Variants in RCOR3 observed in about 807,000 individuals in gnomAD.
RCOR3 encodes REST corepressor 3.
RCOR3 carries 13 observed loss-of-function variants against 64.1 expected under a neutral mutation model. That is an observed-to-expected ratio of 0.20 (90% CI 0.13 to 0.32). The LOEUF (loss-of-function observed/expected upper bound fraction) is 0.32. Among genes scored for constraint, RCOR3 ranks in the 10% least tolerant of loss-of-function variants. The pLI is 1.00. For synonymous variants in RCOR3, 215 were observed against 239.0 expected, an observed-to-expected ratio of 0.90 and a Z score of 0.93; for missense variants, 489 against 701.2, an observed-to-expected ratio of 0.70 and a Z score of 3.42.
At chr1:211,282,580 C>A (rs1296315160) in intron 7 of RCOR3, among the ~76,000 whole-genome samples, 1 of 151,650 alleles carries the variant, frequency 6.6e-6, no homozygotes, top group Non-Finnish European at 1.5e-5. Flanking sequence ...CGGCTCACTG[C>A]AACCTCCACC....
At position 211,264,919 on chromosome 1, in the gene RCOR3, G is replaced by A. The variant is rs375170705; in HGVS notation, c.223+4755G>A. Among the ~76,000 whole-genome samples the A allele has an allele frequency of 1.2e-4, 18 of 152,234 alleles. No homozygotes were observed. The East Asian group carries it at 3.5e-3, about 29-fold the overall frequency. On this transcript the variant is annotated intron_variant, in intron 2 of 11. Transcript: ENST00000419091. ...ACTTACATCATGAGGAACAATTTTT[G>A]TGTGTAGAGGCTAATTTTTTATCAT...
At chr1:211,283,637 C>T (rs140204339) in intron 7 of RCOR3, among the ~76,000 whole-genome samples, 2,483 of 152,028 alleles carry the variant, frequency 0.016, 27 homozygotes, top group Non-Finnish European at 0.02. Flanking sequence ...ATGTTTCGTT[C>T]GTGGAGGTTT....
chr1:211,311,851 A>G (rs571989711), intron 10 of RCOR3, among the ~76,000 whole-genome samples: 13 of 152,294 alleles, frequency 8.5e-5, no homozygotes, highest in Admixed American at 4.6e-4. Context: ...TTAAAATTCT[A>G]TAGTATAGTT....
intron 3 of RCOR3, 104 bp from the exon 4 acceptor site, chr1:211,274,106 C>A: frequency 3.0e-6 from 2 of 669,128 alleles, no homozygotes; most frequent in Non-Finnish European, 4.8e-6. Context: ...TTTTTTTTAC[C>A]CTGGAATATA....
chr1:211,301,048 G>A (rs764120748), intron 9 of RCOR3, among the ~76,000 whole-genome samples: 31 of 151,904 alleles, frequency 2.0e-4, no homozygotes, highest in Non-Finnish European at 4.6e-4. Flanking sequence ...CAGACTGTGT[G>A]CCTGTCTCTG....
chr1:211,302,684 A>T (rs1332789384), intron 9 of RCOR3: 1 of 152,010 alleles, frequency 6.6e-6, no homozygotes, highest in Admixed American at 6.6e-5. Flanking sequence ...ATTTACTATA[A>T]AATATTTTGA....
chr1:211,268,342 A>G (rs11590228), intron 2 of RCOR3, among the ~76,000 whole-genome samples: 26,840 of 148,862 alleles, frequency 0.18, 2,717 homozygotes, highest in African/African-American at 0.27. Flanking sequence ...GAAGTTTTAA[A>G]AAGATATATC....
intron 9 of RCOR3, among the ~76,000 whole-genome samples, chr1:211,296,447 G>A (rs540635903): frequency 1.1e-4 from 16 of 151,984 alleles, no homozygotes; most frequent in African/African-American, 3.9e-4. Context: ...TTGCCTTTCT[G>A]TGTTTGTGAT....
chr1:211,295,567 A>G (rs1462179227), intron 8 of RCOR3, 109 bp from the exon 9 acceptor site: 2 of 875,296 alleles, frequency 2.3e-6, no homozygotes, highest in African/African-American at 1.7e-5. Context: ...CTATTCTCCT[A>G]AAATAAAATT....
At chr1:211,274,316 A>G (rs1325281814) in intron 4 of RCOR3, 54 bp downstream of exon 4, 39 of 1,229,682 alleles carry the variant, frequency 3.2e-5, no homozygotes, top group Non-Finnish European at 4.3e-5. Context: ...TACCAAATCT[A>G]GATTATCTCA....
intron 2 of RCOR3, among the ~76,000 whole-genome samples, chr1:211,270,344 T>G (rs1349907385): frequency 6.6e-6 from 1 of 152,202 alleles, no homozygotes; most frequent in Non-Finnish European, 1.5e-5. Context: ...ATTACAGGCA[T>G]GAGCCACCAC....
chr1:211,303,536 T>C lies in RCOR3; in HGVS notation c.1018-547T>C, dbSNP rs1244276999. ...ACTCAGTGGGTATACACTAATGAAGTCTGATTAGATATTTGCTGTTGTAAT... is the reference window on the plus strand; with the variant it reads ...ACTCAGTGGGTATACACTAATGAAGCCTGATTAGATATTTGCTGTTGTAAT... On this transcript the variant is annotated intron_variant, in intron 9 of 11. Transcript: ENST00000419091. The C allele has an allele frequency of 2.0e-5, 3 of 152,496 alleles. No homozygotes were observed. The South Asian group carries it at 6.2e-4, about 32-fold the overall frequency. 9.4% of individuals were successfully genotyped at this position (152,496 alleles called of 1,614,324 possible). A position where few individuals can be genotyped will look rare whatever the true frequency, so the allele number is the denominator to read the frequency against.
chr1:211,266,084 G>A (rs924908079), intron 2 of RCOR3, among the ~76,000 whole-genome samples: 6 of 152,066 alleles, frequency 3.9e-5, no homozygotes, highest in African/African-American at 1.4e-4. Context: ...GAGAAAATAG[G>A]GAAGTTAAAG....
rs780313273 is a variant in RCOR3, at chr1:211,289,316, G to A, written c.859G>A (p.Val287Ile). 1 of 1,614,016 alleles carries A rather than the reference G, an allele frequency of 6.2e-7. No homozygotes were observed. Among genetic ancestry groups the A allele is most frequent in the Admixed American group, 1.7e-5 (1 of 59,998 alleles). The change falls in exon 8 of 12, where the codon GTA becomes ATA. Residue 287 changes from valine to isoleucine, a missense_variant. By Grantham distance (29) the Val-to-Ile change is conservative (BLOSUM62 3). Transcript: ENST00000419091. Reference sequence around the variant, plus strand: ...CATGTATTTAACCCAGGAAGATGTGGTAGCAGTTTCCTGTAGTCCCAATGC... The same window carrying A: ...CATGTATTTAACCCAGGAAGATGTGATAGCAGTTTCCTGTAGTCCCAATGC... Reference protein sequence around the residue: ...KGMYLTQEDVVAVSCSPNAAN... With the variant: ...KGMYLTQEDVIAVSCSPNAAN...
intron 2 of RCOR3, among the ~76,000 whole-genome samples, chr1:211,261,853 G>T (rs1571752375): frequency 7.7e-6 from 1 of 129,276 alleles, no homozygotes; most frequent in East Asian, 2.8e-4. Flanking sequence ...GAACCCGGGA[G>T]GCGGAGGTTG....
intron 2 of RCOR3, among the ~76,000 whole-genome samples, chr1:211,262,637 G>A (rs1158384080): frequency 6.6e-6 from 1 of 152,120 alleles, no homozygotes; most frequent in Non-Finnish European, 1.5e-5. Context: ...TAGGGGTCTT[G>A]TGTTTAAGAG....
chr1:211,284,731 A>T (rs1288988710), intron 7 of RCOR3, among the ~76,000 whole-genome samples: 1 of 151,896 alleles, frequency 6.6e-6, no homozygotes, highest in Non-Finnish European at 1.5e-5. Flanking sequence ...TACATTGTCC[A>T]GACTGGTCTT....
rs1701697886 is a variant in RCOR3, at chr1:211,313,541, A to C, written c.1435A>C (p.Thr479Pro). 1 of 1,613,894 alleles carries C rather than the reference A, an allele frequency of 6.2e-7. No homozygotes were observed. Reference sequence around the variant, plus strand: ...CCAGCCTCCACCACTTCTTCGTCCAACACTGCCTGCTGCCCCGGCTCTTCA... The same window carrying C: ...CCAGCCTCCACCACTTCTTCGTCCACCACTGCCTGCTGCCCCGGCTCTTCA... ...LNQPPPLLRPTLPAAPALHRQ... is the reference protein window; with the variant it reads ...LNQPPPLLRPPLPAAPALHRQ... The change falls in exon 12 of 12, where the codon ACA (threonine) becomes CCA (proline). Residue 479 changes from threonine (T) to proline (P), a missense_variant. Thr to Pro is a conservative substitution (Grantham distance 38). Coordinates refer to ENST00000419091, the MANE Select transcript of RCOR3 (RefSeq NM_001136223.3). The surrounding 1 kb of genome is among the most constrained non-coding windows in gnomAD (Gnocchi z 4.7).
At position 211,312,025 on chromosome 1, in the gene RCOR3, T is replaced by G. The variant is rs1014494249; in HGVS notation, c.1076-695T>G. On this transcript the variant is annotated intron_variant, in intron 10 of 11. Transcript: ENST00000419091. The surrounding 1 kb of genome is among the most constrained non-coding windows in gnomAD (Gnocchi z 5.0). ...TAGTCATTACTGTTACCTTATTCTT[T>G]AAGCTATCATCTTTCATCCATTCAG... Among the ~76,000 whole-genome samples the G allele has an allele frequency of 2.7e-4, 41 of 152,306 alleles. No individual in the cohort carries two copies. Among genetic ancestry groups the G allele is most frequent in the African/African-American group, 8.4e-4 (35 of 41,576 alleles).
Sources: gnomAD v4.1 joint callset for allele counts (sites outside exome capture counted in the v4.1 genomes callset) on GRCh38, gnomAD v4.1.1 for gene constraint, Gnocchi (gnomAD v3.1) non-coding constraint, MANE v1.5 for transcripts, NCBI Gene and HGNC (gene_info 2026-07-23, HGNC 2026-07-21) for gene names.